Variants in TRDMT1 observed in about 807,000 individuals in gnomAD.
TRDMT1 encodes tRNA (cytosine(38)-C(5))-methyltransferase.
TRDMT1 carries 49 observed loss-of-function variants against 51.2 expected under a neutral mutation model. That is an observed-to-expected ratio of 0.96 (90% CI 0.76 to 1.21). The LOEUF (loss-of-function observed/expected upper bound fraction) is 1.21, where lower values mean the gene tolerates loss of function less well. Among genes scored for constraint, TRDMT1 ranks in the 50% most tolerant of loss-of-function variants. The pLI is 0.00. For synonymous variants in TRDMT1, 187 were observed against 164.6 expected (o/e 1.14, Z -1.04); for missense variants, 534 against 462.3 (o/e 1.16, Z -1.42).
rs1002867881 is a variant in TRDMT1, at chr10:17,197,528, T to C, written c.64+4043A>G. 2.0e-5 allele frequency among the ~76,000 whole-genome samples: 3 copies of C among 152,242 alleles called. No homozygotes were observed. The South Asian group carries it at 6.2e-4, about 31-fold the overall frequency. On this transcript the variant is annotated intron_variant, in intron 1 of 10. Transcript: ENST00000377799. ...CACTGGGTTTGAGGCAAATCTATCA[T>C]GTTGCTAAAGAAATTAAATATACTT...
intron 1 of TRDMT1, among the ~76,000 whole-genome samples, chr10:17,199,759 A>G (rs1789973061): frequency 6.6e-6 from 1 of 152,254 alleles, no homozygotes; most frequent in African/African-American, 2.4e-5. Flanking sequence ...GGGAGGCAGA[A>G]TGGAAGTAAG....
chr10:17,173,316 T>C (rs1842261429), intron 2 of TRDMT1, among the ~76,000 whole-genome samples: 1 of 152,202 alleles, frequency 6.6e-6, no homozygotes, highest in Non-Finnish European at 1.5e-5. Context: ...CATACACATA[T>C]TGTAGTATAT....
At position 17,154,752 on chromosome 10, in the gene TRDMT1, C is replaced by G. The variant is rs2131391107; in HGVS notation, c.888-18G>C. 1 of 1,595,600 alleles carries G rather than the reference C, an allele frequency of 6.3e-7. No homozygotes were observed. ...TTCCATATCTGAAAAATCAACACAACAATTATGCAGCACCTGATGTATGTG... is the reference window on the plus strand; with the variant it reads ...TTCCATATCTGAAAAATCAACACAAGAATTATGCAGCACCTGATGTATGTG... On this transcript the variant is annotated intron_variant, in intron 8 of 10. Coordinates refer to ENST00000377799, the MANE Select transcript of TRDMT1 (RefSeq NM_004412.7).
At chr10:17,154,004 T>C (rs992052665) in intron 9 of TRDMT1, among the ~76,000 whole-genome samples, 17 of 152,160 alleles carry the variant, frequency 1.1e-4, no homozygotes, top group South Asian at 2.1e-4. Flanking sequence ...AGGAGAATCA[T>C]TAAAACTTTT....
rs1194531441 is a variant in TRDMT1 at position 17,143,122 on chromosome 10, CAAATT to C, written c.*5913_*5917del. ...GCATGGAAGAAGTGGCAGTAACAGA[CAAATT>C]AAATAGTTTTCAAGAGAACAACTTA... On this transcript the variant is annotated 3_prime_UTR_variant, in exon 11 of 11. Transcript: ENST00000377799. 46 of 985,308 alleles carry C rather than the reference CAAATT, an allele frequency of 4.7e-5. No homozygotes were observed. The highest frequency in any genetic ancestry group is 4.8e-5 in the Non-Finnish European group (40 of 829,938). The allele number at this position is 985,308 out of a possible 1,614,324, so 61.0% of individuals were successfully genotyped here.
At chr10:17,168,321 AAAAT>A (rs2131478294) in intron 3 of TRDMT1, among the ~76,000 whole-genome samples, 1 of 152,328 alleles carries the variant, frequency 6.6e-6, no homozygotes, top group African/African-American at 2.4e-5. Context: ...TTATTATTTA[AAAAT>A]AAATAAATAC....
At chr10:17,171,927 T>C (rs1404692505) in intron 2 of TRDMT1, 1 of 166,400 alleles carries the variant, frequency 6.0e-6, no homozygotes, top group Non-Finnish European at 1.5e-5. Flanking sequence ...TTAAGAGTTT[T>C]TGTTCCACTG....
chr10:17,165,005 A>T (rs975085926), intron 3 of TRDMT1, among the ~76,000 whole-genome samples: 1 of 152,210 alleles, frequency 6.6e-6, no homozygotes, highest in African/African-American at 2.4e-5. Context: ...TCTTCACAGA[A>T]TTGGAAAAAA....
chr10:17,158,565 G>A (rs181935920), intron 7 of TRDMT1, among the ~76,000 whole-genome samples: 22 of 152,196 alleles, frequency 1.4e-4, no homozygotes, highest in Middle Eastern at 3.4e-3. Flanking sequence ...GAGTTTCGCC[G>A]AAATGCTGAA....
intron 1 of TRDMT1, among the ~76,000 whole-genome samples, chr10:17,190,783 G>T (rs540859598): frequency 2.6e-5 from 4 of 152,142 alleles, no homozygotes; most frequent in Middle Eastern, 3.4e-3. Flanking sequence ...GTTCATTCAC[G>T]CATTCAACAA....
intron 3 of TRDMT1, among the ~76,000 whole-genome samples, chr10:17,166,726 A>G (rs1043590172): frequency 1.3e-5 from 2 of 152,226 alleles, no homozygotes; most frequent in Non-Finnish European, 2.9e-5. Context: ...TGAGGACTAC[A>G]GAATCAGTTA....
intron 3 of TRDMT1, among the ~76,000 whole-genome samples, chr10:17,163,693 C>T (rs911202091): frequency 3.3e-5 from 5 of 151,932 alleles, no homozygotes; most frequent in South Asian, 2.1e-4. Flanking sequence ...ATATCACCAC[C>T]GACCCCACAG....
Position 17,160,337 on chromosome 10 carries a change from G to A in TRDMT1, c.427C>T (p.Gln143Ter), listed in dbSNP as rs1016005523. 1 of 1,566,794 alleles carries A rather than the reference G, an allele frequency of 6.4e-7. No homozygotes were observed. Among genetic ancestry groups the A allele is most frequent in the Non-Finnish European group, 8.6e-7 (1 of 1,157,360 alleles). Residue 143 changes from glutamine (Q) to a stop codon, truncating the protein, a stop_gained, in exon 6 of 11, where the codon CAG (glutamine) becomes TAG (stop). Coordinates refer to ENST00000377799, the MANE Select transcript of TRDMT1 (RefSeq NM_004412.7). LOFTEE classifies it high-confidence loss of function. ...LIQTIENCGF[Q>*]YQEFLLSPTS... ...GGAGATAATAGAAACTCTTGGTACT[G>A]AAAGCCACAATTTTCTATTGTTTGT...
chr10:17,150,687 G>T (rs1838577598), intron 10 of TRDMT1: 1 of 984,554 alleles, frequency 1.0e-6, no homozygotes, highest in African/African-American at 1.7e-5. Flanking sequence ...TACTCATGAG[G>T]ACAGGAAGGT....
At chr10:17,196,955 G>A (rs970340630) in intron 1 of TRDMT1, among the ~76,000 whole-genome samples, 3 of 152,144 alleles carry the variant, frequency 2.0e-5, no homozygotes, top group African/African-American at 4.8e-5. Flanking sequence ...GGAAAACTGC[G>A]ACAGCACTTC....
chr10:17,150,076 G>A (rs751089213), intron 10 of TRDMT1, among the ~76,000 whole-genome samples: 2 of 152,076 alleles, frequency 1.3e-5, no homozygotes, highest in African/African-American at 2.4e-5. Context: ...CAAAGCAGCT[G>A]CACCATTTCA....
intron 10 of TRDMT1, chr10:17,150,995 A>G (rs764595060): frequency 8.1e-6 from 8 of 984,558 alleles, no homozygotes; most frequent in Non-Finnish European, 9.6e-6. Context: ...AATTATATCT[A>G]TGTGTGTGTG....
intron 2 of TRDMT1, among the ~76,000 whole-genome samples, 158 bp from the exon 3 acceptor site, chr10:17,169,075 A>C (rs1374071244): frequency 6.6e-6 from 1 of 152,200 alleles, no homozygotes; most frequent in African/African-American, 2.4e-5. Flanking sequence ...TCTCAAAGCA[A>C]TACTGTGAAG....
In TRDMT1 at chr10:17,147,469, C is replaced by T. The variant is rs918506568; in HGVS notation, c.*1571G>A. On this transcript the variant is annotated 3_prime_UTR_variant, in exon 11 of 11. Coordinates refer to ENST00000377799, the MANE Select transcript of TRDMT1 (RefSeq NM_004412.7). The stretch of plus-strand genomic sequence containing the variant: ...GTTGCAGTGGCATTAAGTACACTCA[C>T]ACTGTTGTGCAACCATCCTCCCCAT... The T allele has an allele frequency of 5.8e-6, 3 of 515,682 alleles. No individual in the cohort carries two copies. In the African/African-American group the frequency reaches 6.2e-5, roughly 11 times the overall value. The allele number at this position is 515,682 out of a possible 1,614,324, so 31.9% of individuals were successfully genotyped here.
Sources: gnomAD v4.1 joint callset for allele counts (sites outside exome capture counted in the v4.1 genomes callset) on GRCh38, gnomAD v4.1.1 for gene constraint, MANE v1.5 for transcripts, NCBI Gene and HGNC (gene_info 2026-07-23, HGNC 2026-07-21) for gene names.